SLC12A7: variants seen among roughly 807,000 people sequenced by gnomAD.
SLC12A7 encodes K-Cl cotransporter 4.
SLC12A7 carries 100 observed loss-of-function variants against 120.6 expected under a neutral mutation model. That is an observed-to-expected ratio of 0.83 (90% CI 0.71 to 0.98). The LOEUF (loss-of-function observed/expected upper bound fraction) is 0.98, where lower values mean the gene tolerates loss of function less well. Among genes scored for constraint, SLC12A7 ranks in the 50% least tolerant of loss-of-function variants. The pLI, the probability that SLC12A7 is intolerant of heterozygous loss-of-function variation, is 0.00. For synonymous variants in SLC12A7, 760 were observed against 678.0 expected, an observed-to-expected ratio of 1.12 and a Z score of -1.88; for missense variants, 1,373 against 1,548.1, an observed-to-expected ratio of 0.89 and a Z score of 1.90.
chr5:1,115,227 G>T (rs1743268119), upstream of SLC12A7, among the ~76,000 whole-genome samples: 1 of 152,260 alleles, frequency 6.6e-6, no homozygotes, highest in Non-Finnish European at 1.5e-5. Flanking sequence ...CTGGGATTTA[G>T]TGCGAAAGTG....
At chr5:1,128,944 C>A in the SLC12A7 span, among the ~76,000 whole-genome samples, 3 of 152,240 alleles carry the variant, frequency 2.0e-5, no homozygotes, top group African/African-American at 7.2e-5. Flanking sequence ...GTGCTCCATC[C>A]CCATGTGCGT....
intron 1 of SLC12A7, among the ~76,000 whole-genome samples, chr5:1,098,751 ACACCCAGCCCCCCTCTAACCCTCTGCT>A (rs1561102313): frequency 2.3e-5 from 2 of 86,334 alleles, no homozygotes; most frequent in African/African-American, 9.2e-5. Flanking sequence ...AACCCTCTGC[ACACCCAGCCCCCCTCTAACCCTCTGCT>A]CACCCAGCCA....
the SLC12A7 span, among the ~76,000 whole-genome samples, chr5:1,154,352 G>GAAA: frequency 1.2e-5 from 1 of 84,704 alleles, no homozygotes; most frequent in South Asian, 4.2e-4. Flanking sequence ...ACTGGTGTCC[G>GAAA]CAACACACAC....
chr5:1,124,804 T>TTTCAGCTGCATCTTATG, the SLC12A7 span, among the ~76,000 whole-genome samples: 1 of 151,964 alleles, frequency 6.6e-6, no homozygotes, highest in Non-Finnish European at 1.5e-5. Context: ...ATAAAAAAAG[T>TTTCAGCTGCATCTTATG]GTTTAATCCA....
intron 9 of SLC12A7, 28 bp from the exon 10 acceptor site, chr5:1,079,524 C>A (rs760846249): frequency 1.1e-5 from 17 of 1,580,506 alleles, no homozygotes; most frequent in Non-Finnish European, 1.5e-5. Flanking sequence ...GCTGCAAAGA[C>A]CCATCTGAGG....
At chr5:1,092,844 G>C (rs989232424) in intron 3 of SLC12A7, among the ~76,000 whole-genome samples, 5 of 152,172 alleles carry the variant, frequency 3.3e-5, no homozygotes, top group African/African-American at 1.2e-4. Context: ...CCCACAGCGA[G>C]GACCTAAGAT....
In SLC12A7 at chr5:1,096,114, C is replaced by T. The variant is rs180882923; in HGVS notation, c.125-1866G>A. On this transcript the variant is annotated intron_variant, in intron 1 of 23. Coordinates refer to ENST00000264930, the MANE Select transcript of SLC12A7 (RefSeq NM_006598.3). ...CTGAAAAAGATCTCTCGTGTGTGAT[C>T]ATTAACTCCCTGATTCTGGTGACTG... is the stretch of plus-strand genomic sequence containing the variant. Among the ~76,000 whole-genome samples, 384 of 152,326 alleles carry T rather than the reference C, an allele frequency of 2.5e-3. 1 individual carries two copies. The highest frequency in any genetic ancestry group is 4.3e-3 in the Non-Finnish European group (291 of 68,030).
In SLC12A7 at chr5:1,088,326, G is replaced by A; in HGVS notation, c.524C>T (p.Ala175Val). 1 of 1,587,508 alleles carries A rather than the reference G, an allele frequency of 6.3e-7. No individual in the cohort carries two copies. The highest frequency in any genetic ancestry group is 8.6e-7 in the Non-Finnish European group (1 of 1,167,604). Residue 175 changes from alanine (A) to valine (V), a missense_variant, in exon 5 of 24, where the codon GCT becomes GTT. Ala to Val is a moderately conservative substitution (Grantham distance 64). Transcript: ENST00000264930. ...MLTAISMSAI[A>V]TNGVVPAGGS... ...CTTACCTGGGACCACACCGTTGGTA[G>A]CGATCGCACTCATGGAAATGGCGGT...
At chr5:1,053,542 G>C in intron 22 of SLC12A7, 60 bp from the exon 23 acceptor site, 4 of 1,587,908 alleles carry the variant, frequency 2.5e-6, no homozygotes, top group Non-Finnish European at 3.4e-6. Context: ...CCGGACACGA[G>C]GCTGAGCTGA....
chr5:1,075,288 T>C, intron 15 of SLC12A7, 83 bp downstream of exon 15: 1 of 1,532,720 alleles, frequency 6.5e-7, no homozygotes, highest in Non-Finnish European at 8.8e-7. Flanking sequence ...GGGAGGCCCC[T>C]CCAGGGAGCT....
At chr5:1,101,158 C>A (rs1202634716) in intron 1 of SLC12A7, among the ~76,000 whole-genome samples, 1 of 152,232 alleles carries the variant, frequency 6.6e-6, no homozygotes, top group Non-Finnish European at 1.5e-5. Context: ...CTCACCTGCC[C>A]CGAGCGGCCC....
At chr5:1,143,041 C>G in the SLC12A7 span, among the ~76,000 whole-genome samples, 6 of 152,092 alleles carry the variant, frequency 3.9e-5, no homozygotes, top group Non-Finnish European at 5.9e-5. Flanking sequence ...CCGGGCACCA[C>G]AGAGCTTACG....
Position 1,079,472 on chromosome 5 carries a change from G to C in SLC12A7, c.1322C>G (p.Ser441Cys). Reference sequence around the variant, plus strand: ...CTTCTGTGCATCCTTGAGGTCCCCGGACCGGTTTGAACCCGCCATGATACC... The same window carrying C: ...CTTCTGTGCATCCTTGAGGTCCCCGCACCGGTTTGAACCCGCCATGATACC... ...VTGIMAGSNR[S>C]GDLKDAQKSI... is the part of the protein sequence containing the mutation. The change falls in exon 10 of 24, where the codon TCC becomes TGC. Residue 441 changes from serine to cysteine, a missense_variant. Ser to Cys is a moderately radical substitution (Grantham distance 112, BLOSUM62 -1). Transcript: ENST00000264930. 6.2e-7 allele frequency: 1 copy of C among 1,612,694 alleles called. No individual in the cohort carries two copies. The highest frequency in any genetic ancestry group is 1.3e-5 in the African/African-American group (1 of 75,044).
At chr5:1,125,484 T>G in the SLC12A7 span, among the ~76,000 whole-genome samples, 2 of 152,152 alleles carry the variant, frequency 1.3e-5, no homozygotes, top group African/African-American at 2.4e-5. Flanking sequence ...CTGCGGAAAA[T>G]GTCACTGCTC....
rs111809815 is a variant in SLC12A7, at chr5:1,061,564, C to T, written c.2740-1113G>A. ...TGCGGGACCCCTGCGTCTCACCCAC[C>T]GCACCCGCCGTGCGGGATCCCTGTG... On this transcript the variant is annotated intron_variant, in intron 20 of 23. Coordinates refer to ENST00000264930, the MANE Select transcript of SLC12A7 (RefSeq NM_006598.3). 5.3e-5 allele frequency among the ~76,000 whole-genome samples: 8 copies of T among 150,166 alleles called. No individual in the cohort carries two copies. In the South Asian group the frequency reaches 1.5e-3, roughly 28 times the overall value.
chr5:1,154,637 C>T, the SLC12A7 span, among the ~76,000 whole-genome samples: 3 of 152,204 alleles, frequency 2.0e-5, no homozygotes, highest in African/African-American at 7.2e-5. Context: ...ATGCTCGCTC[C>T]TCTGGGCCAT....
chr5:1,101,285 A>G (rs1445227468), intron 1 of SLC12A7, among the ~76,000 whole-genome samples: 3 of 152,174 alleles, frequency 2.0e-5, no homozygotes, highest in Non-Finnish European at 4.4e-5. Context: ...AGCTCTGCTC[A>G]CAGCTTGTCT....
intron 3 of SLC12A7, among the ~76,000 whole-genome samples, chr5:1,089,571 T>TAA (rs35078056): frequency 2.1e-4 from 24 of 112,374 alleles, no homozygotes; most frequent in African/African-American, 7.7e-4. Flanking sequence ...CCCATAAAGC[T>TAA]AAAAAAAAAA....
intron 7 of SLC12A7, 144 bp from the exon 8 acceptor site, chr5:1,084,100 A>T (rs982663241): frequency 1.6e-5 from 11 of 691,636 alleles, no homozygotes; most frequent in Non-Finnish European, 2.7e-5. Context: ...AAGGCCACAG[A>T]TCACGCCAGG....
Sources: gnomAD v4.1 joint callset for allele counts (sites outside exome capture counted in the v4.1 genomes callset) on GRCh38, gnomAD v4.1.1 for gene constraint, MANE v1.5 for transcripts, NCBI Gene and HGNC (gene_info 2026-07-23, HGNC 2026-07-21) for gene names.